TBC1D19: variants seen among roughly 807,000 people sequenced by gnomAD.
The protein encoded by TBC1D19 is TBC1 domain family, member 19.
Under a neutral mutation model 89.0 loss-of-function variants are expected in TBC1D19, and 60 were observed. That is an observed-to-expected ratio of 0.67 (90% confidence interval 0.55 to 0.84). The LOEUF (loss-of-function observed/expected upper bound fraction) is 0.84, where lower values mean the gene tolerates loss of function less well. TBC1D19 is among the 40% of genes least tolerant of loss of function. TBC1D19 has a pLI of 0.00. For missense variants in TBC1D19, 500 were observed against 610.8 expected (o/e 0.82, Z 1.91); for synonymous variants, 189 against 199.7 (o/e 0.95, Z 0.45).
At chr4:26,594,141 C>T (rs1740029663) in intron 1 of TBC1D19, among the ~76,000 whole-genome samples, 2 of 152,144 alleles carry the variant, frequency 1.3e-5, no homozygotes, top group Non-Finnish European at 2.9e-5. Flanking sequence ...ACATATACAC[C>T]ATGGAATACT....
the TBC1D19 span, among the ~76,000 whole-genome samples, chr4:26,850,662 G>A: frequency 0.017 from 2,586 of 152,136 alleles, 36 homozygotes; most frequent in Middle Eastern, 0.048. Context: ...AGAGAGGCCT[G>A]GACAGATCCC....
At chr4:26,588,094 C>T (rs1018758093) in intron 1 of TBC1D19, among the ~76,000 whole-genome samples, 5 of 145,830 alleles carry the variant, frequency 3.4e-5, no homozygotes, top group African/African-American at 5.2e-5. Context: ...GGCATGATCT[C>T]GGCTCACTGC....
intron 8 of TBC1D19, among the ~76,000 whole-genome samples, chr4:26,665,840 C>T (rs568010535): frequency 2.0e-4 from 31 of 152,056 alleles, no homozygotes; most frequent in Middle Eastern, 6.8e-3. Flanking sequence ...AATTATCATT[C>T]CTTACCTTAC....
chr4:26,796,394 C>T, the TBC1D19 span, among the ~76,000 whole-genome samples: 287 of 152,274 alleles, frequency 1.9e-3, no homozygotes, highest in African/African-American at 6.5e-3. Context: ...AAAATGACAT[C>T]TTAGCATAGT....
At chr4:26,621,459 C>CT (rs1265570921) in intron 4 of TBC1D19, among the ~76,000 whole-genome samples, 5 of 152,090 alleles carry the variant, frequency 3.3e-5, no homozygotes, top group Non-Finnish European at 5.9e-5. Flanking sequence ...TTTTTAAAAC[C>CT]TTTTTTGGTA....
chr4:26,673,446 T>TATACACACACACACACACACACAC (rs373807642), intron 10 of TBC1D19, among the ~76,000 whole-genome samples: 17 of 90,870 alleles, frequency 1.9e-4, no homozygotes, highest in African/African-American at 6.8e-4. Flanking sequence ...TATATATATA[T>TATACACACACACACACACACACAC]ACACACACAC....
chr4:26,590,736 C>T (rs533452086), intron 1 of TBC1D19, among the ~76,000 whole-genome samples: 81 of 137,610 alleles, frequency 5.9e-4, no homozygotes, highest in South Asian at 5.5e-3. Context: ...AATATTGATA[C>T]GTTATTATTA....
At chr4:26,615,181 C>T (rs1397109562) in intron 3 of TBC1D19, among the ~76,000 whole-genome samples, 3 of 151,872 alleles carry the variant, frequency 2.0e-5, no homozygotes, top group Admixed American at 6.6e-5. Context: ...AAATTGTTGT[C>T]ATTATTAAGA....
At chr4:26,606,982 A>G (rs1741053938) in intron 1 of TBC1D19, among the ~76,000 whole-genome samples, 1 of 152,160 alleles carries the variant, frequency 6.6e-6, no homozygotes, top group Non-Finnish European at 1.5e-5. Context: ...TAAGATTGCT[A>G]GTGGCCAGTA....
intron 11 of TBC1D19, among the ~76,000 whole-genome samples, chr4:26,678,528 CT>C (rs918472765): frequency 1.0e-3 from 141 of 140,150 alleles, no homozygotes; most frequent in Middle Eastern, 7.5e-3. Context: ...AGCGAAACTG[CT>C]TTTTTTTTTT....
At chr4:26,850,136 G>A in the TBC1D19 span, among the ~76,000 whole-genome samples, 3 of 152,000 alleles carry the variant, frequency 2.0e-5, no homozygotes, top group Admixed American at 1.3e-4. Flanking sequence ...CCAATTCCCC[G>A]TACCCCAGAG....
chr4:26,680,447 G>C (rs1034797049), intron 11 of TBC1D19, among the ~76,000 whole-genome samples: 1 of 151,812 alleles, frequency 6.6e-6, no homozygotes, highest in Non-Finnish European at 1.5e-5. Context: ...TTCTATCTTA[G>C]GAATAAAAGT....
the TBC1D19 span, among the ~76,000 whole-genome samples, chr4:26,817,360 C>T: frequency 6.6e-6 from 1 of 152,142 alleles, no homozygotes; most frequent in South Asian, 2.1e-4. Context: ...AAGGGATCAA[C>T]AAACGTCCTT....
intron 13 of TBC1D19, among the ~76,000 whole-genome samples, chr4:26,708,011 A>G (rs1306899636): frequency 6.6e-6 from 1 of 152,104 alleles, no homozygotes; most frequent in Non-Finnish European, 1.5e-5. Context: ...ATCATACAGA[A>G]AGCAAAAAAT....
intron 13 of TBC1D19, among the ~76,000 whole-genome samples, chr4:26,700,412 C>T (rs1422735740): frequency 3.9e-5 from 6 of 151,976 alleles, no homozygotes; most frequent in Non-Finnish European, 8.8e-5. Context: ...ATTTAACTCA[C>T]GTTTCAGTAG....
chr4:26,599,974 A>T (rs1015941596), intron 1 of TBC1D19, among the ~76,000 whole-genome samples: 227 of 151,028 alleles, frequency 1.5e-3, no homozygotes, highest in African/African-American at 5.4e-3. Context: ...AAAAAAAAAA[A>T]AGAATTTGCT....
chr4:26,653,842 G>T (rs552146643), intron 7 of TBC1D19, among the ~76,000 whole-genome samples: 1 of 152,266 alleles, frequency 6.6e-6, no homozygotes, highest in Admixed American at 6.5e-5. Context: ...GCCAGTCTGT[G>T]TCTTTTAATT....
chr4:26,797,154 T>A, the TBC1D19 span, among the ~76,000 whole-genome samples: 4 of 152,176 alleles, frequency 2.6e-5, no homozygotes, highest in Non-Finnish European at 4.4e-5. Flanking sequence ...TCTGAAAGAT[T>A]CCTACACTTG....
chr4:26,750,165 C>G (rs1017009035), intron 19 of TBC1D19, among the ~76,000 whole-genome samples: 3 of 152,168 alleles, frequency 2.0e-5, no homozygotes, highest in African/African-American at 7.2e-5. Flanking sequence ...GTTTTCTCTA[C>G]TCTCACATTT....
Sources: allele counts gnomAD v4.1 joint callset (sites outside exome capture counted in the v4.1 genomes callset), GRCh38; gene constraint gnomAD v4.1.1; transcripts MANE v1.5; gene names NCBI Gene and HGNC (gene_info 2026-07-23, HGNC 2026-07-21).